The following ARHGAP44 variants were observed in gnomAD, a reference collection of about 807,000 sequenced individuals.
The protein encoded by ARHGAP44 is rho GTPase-activating protein 44.
In ARHGAP44, 43 loss-of-function variants were observed where a neutral mutation model predicts 106.8. That is an observed-to-expected ratio of 0.40 (90% CI 0.32 to 0.52). The LOEUF (loss-of-function observed/expected upper bound fraction) is 0.52, where lower values mean the gene tolerates loss of function less well. Ranked by LOEUF, ARHGAP44 falls within the 20% of genes least tolerant of loss-of-function variation. ARHGAP44 has a pLI of 0.48. For synonymous variants in ARHGAP44, 439 were observed against 410.3 expected, an observed-to-expected ratio of 1.07 and a Z score of -0.85; for missense variants, 866 against 1,050.5, an observed-to-expected ratio of 0.82 and a Z score of 2.43.
chr17:12,935,415 C>A (rs2038517834), intron 7 of ARHGAP44, among the ~76,000 whole-genome samples: 2 of 151,842 alleles, frequency 1.3e-5, no homozygotes. Context: ...ACTAAAAATA[C>A]AAAAATTAGC....
intron 1 of ARHGAP44, among the ~76,000 whole-genome samples, chr17:12,878,951 T>A (rs1192398435): frequency 1.3e-5 from 2 of 152,256 alleles, no homozygotes; most frequent in African/African-American, 4.8e-5. Flanking sequence ...ATCAGCTATG[T>A]AGCTGCAATA....
At chr17:12,884,102 T>C (rs1442418072) in intron 1 of ARHGAP44, among the ~76,000 whole-genome samples, 1 of 152,140 alleles carries the variant, frequency 6.6e-6, no homozygotes, top group East Asian at 1.9e-4. Flanking sequence ...AATAGGCTGG[T>C]ATATGTTTTT....
chr17:12,825,724 G>C (rs1001495851), intron 1 of ARHGAP44, among the ~76,000 whole-genome samples: 3 of 152,122 alleles, frequency 2.0e-5, no homozygotes, highest in Non-Finnish European at 4.4e-5. Context: ...TTCACAGTGA[G>C]ATCTAGACTG....
intron 12 of ARHGAP44, 57 bp from the exon 13 acceptor site, chr17:12,952,444 C>T: frequency 7.6e-7 from 1 of 1,322,394 alleles, no homozygotes; most frequent in Non-Finnish European, 1.1e-6. Flanking sequence ...AATATGATTT[C>T]CGATGAGACT....
intron 1 of ARHGAP44, among the ~76,000 whole-genome samples, chr17:12,837,948 A>G (rs2035285874): frequency 6.6e-6 from 1 of 152,124 alleles, no homozygotes; most frequent in African/African-American, 2.4e-5. Flanking sequence ...TGACTTCTCC[A>G]GCATCCTCCC....
chr17:12,853,782 C>T (rs2035829886), intron 1 of ARHGAP44, among the ~76,000 whole-genome samples: 1 of 152,166 alleles, frequency 6.6e-6, no homozygotes, highest in African/African-American at 2.4e-5. Context: ...CCTGCTTTGC[C>T]ACCTTCACTT....
chr17:12,804,801 A>G (rs2034224243), intron 1 of ARHGAP44, among the ~76,000 whole-genome samples: 2 of 152,220 alleles, frequency 1.3e-5, no homozygotes, highest in South Asian at 4.1e-4. Flanking sequence ...ATACTTCTGC[A>G]CACATCTGTC....
At chr17:12,918,705 C>G (rs374876427) in intron 5 of ARHGAP44, among the ~76,000 whole-genome samples, 1 of 152,176 alleles carries the variant, frequency 6.6e-6, no homozygotes, top group Non-Finnish European at 1.5e-5. Flanking sequence ...CCACGCTCTT[C>G]CTCCTTCAGC....
intron 3 of ARHGAP44, among the ~76,000 whole-genome samples, chr17:12,900,370 G>A (rs1443039835): frequency 6.6e-6 from 1 of 151,850 alleles, no homozygotes; most frequent in South Asian, 2.1e-4. Context: ...CCCATGATCT[G>A]CCCGCCTCAG....
At position 12,789,722 on chromosome 17, in the gene ARHGAP44, C is replaced by T. The variant is rs531220539; in HGVS notation, c.-117C>T. 1.4e-3 allele frequency: 1,372 copies of T among 965,480 alleles called. 29 individuals carry two copies. The African/African-American group carries it at 0.021, about 15-fold the overall frequency. 59.8% of individuals were successfully genotyped at this position (965,480 alleles called of 1,614,324 possible). ...CGGGCCAGACGGCGCCCGGAGGCTC[C>T]GCAGTGCCGCCGCCGTCGCCCGGGA... On this transcript the variant is annotated 5_prime_UTR_variant, in exon 1 of 21. Transcript: ENST00000379672.
At chr17:12,926,542 T>TTA (rs988412966) in intron 6 of ARHGAP44, among the ~76,000 whole-genome samples, 27 of 138,380 alleles carry the variant, frequency 2.0e-4, no homozygotes, top group African/African-American at 6.8e-4. Flanking sequence ...TACATATATA[T>TTA]TATATATATA....
chr17:12,956,091 A>G, intron 14 of ARHGAP44, 111 bp downstream of exon 14: 1 of 723,070 alleles, frequency 1.4e-6, no homozygotes, highest in African/African-American at 1.8e-5. Flanking sequence ...TGTATTTTCC[A>G]AACCCTATTT....
intron 1 of ARHGAP44, among the ~76,000 whole-genome samples, chr17:12,893,319 A>T (rs1271118126): frequency 1.3e-5 from 2 of 152,072 alleles, no homozygotes; most frequent in Admixed American, 1.3e-4. Flanking sequence ...ATTGCTCCCT[A>T]CTTGGCTTTC....
chr17:12,880,367 A>C (rs746552084), intron 1 of ARHGAP44, among the ~76,000 whole-genome samples: 1 of 152,266 alleles, frequency 6.6e-6, no homozygotes, highest in Admixed American at 6.5e-5. Flanking sequence ...GATAACCATC[A>C]TTAAAAATTT....
At chr17:12,927,008 A>C (rs2038267337) in intron 6 of ARHGAP44, among the ~76,000 whole-genome samples, 1 of 152,216 alleles carries the variant, frequency 6.6e-6, no homozygotes, top group Non-Finnish European at 1.5e-5. Flanking sequence ...GAGAGTATTA[A>C]TCAAATATAT....
chr17:12,829,984 A>T (rs535569502), intron 1 of ARHGAP44, among the ~76,000 whole-genome samples: 1 of 152,344 alleles, frequency 6.6e-6, no homozygotes, highest in Non-Finnish European at 1.5e-5. Flanking sequence ...TTTAATACTC[A>T]GTAAATATTA....
intron 1 of ARHGAP44, among the ~76,000 whole-genome samples, chr17:12,821,413 C>T (rs1218392457): frequency 6.6e-6 from 1 of 152,112 alleles, no homozygotes; most frequent in East Asian, 1.9e-4. Context: ...GTGCCTTGGG[C>T]CTTGGAATTT....
intron 1 of ARHGAP44, among the ~76,000 whole-genome samples, chr17:12,863,170 A>G (rs1355619791): frequency 6.6e-6 from 1 of 151,960 alleles, no homozygotes; most frequent in African/African-American, 2.4e-5. Context: ...AAAAAATTAA[A>G]AAAATTTTTT....
intron 19 of ARHGAP44, among the ~76,000 whole-genome samples, 167 bp downstream of exon 19, chr17:12,980,400 A>G (rs79269533): frequency 3.3e-5 from 5 of 152,268 alleles, no homozygotes; most frequent in African/African-American, 1.2e-4. Flanking sequence ...TCCTTTCTCT[A>G]TTATTCCTCA....
Sources: allele counts gnomAD v4.1 joint callset (sites outside exome capture counted in the v4.1 genomes callset), GRCh38; gene constraint gnomAD v4.1.1; transcripts MANE v1.5; gene names NCBI Gene and HGNC (gene_info 2026-07-23, HGNC 2026-07-21).